The following PCDHA1 variants were observed in gnomAD, a reference collection of about 807,000 sequenced individuals.
The protein encoded by PCDHA1 is protocadherin alpha 1.
A neutral mutation model predicts 61.3 loss-of-function variants in PCDHA1; 42 were observed. The ratio of observed to expected loss-of-function variants is 0.69; its 90% CI spans 0.54 to 0.89. The LOEUF (loss-of-function observed/expected upper bound fraction) is 0.89. PCDHA1 is among the 40% of genes least tolerant of loss of function. The pLI, the probability that PCDHA1 is intolerant of heterozygous loss-of-function variation, is 0.00. For synonymous variants in PCDHA1, 610 were observed against 553.8 expected, an observed-to-expected ratio of 1.10 and a Z score of -1.43; for missense variants, 1,256 against 1,235.3, an observed-to-expected ratio of 1.02 and a Z score of -0.25.
rs117857377 is a variant in PCDHA1, at chr5:140,947,298, A to G, written c.2395-31651A>G. ...TTTTTCTTTTTATTGCATTATCTTG[A>G]CATCTTTGTAAAAAGTCGGTTGACC... On this transcript the variant is annotated intron_variant, in intron 1 of 3. Transcript: ENST00000504120. Among the ~76,000 whole-genome samples, 349 of 151,704 alleles carry G rather than the reference A, an allele frequency of 2.3e-3. 8 individuals carry two copies. In the East Asian group the frequency reaches 0.06, roughly 26 times the overall value.
At position 140,870,851 on chromosome 5, in the gene PCDHA1, C is replaced by G. The variant is rs1562652583; in HGVS notation, c.2394+82167C>G. ...GCAGTTAACAAGCTAGTACCGCGGT[C>G]GGTGGGTGCGGGCCACGTGGTGGCG... is the stretch of plus-strand genomic sequence containing the variant. On this transcript the variant is annotated intron_variant, in intron 1 of 3. Transcript: ENST00000504120. The G allele has an allele frequency of 1.9e-6, 3 of 1,613,838 alleles. No homozygotes were observed. Among genetic ancestry groups the G allele is most frequent in the Non-Finnish European group, 2.5e-6 (3 of 1,179,894 alleles).
intron 1 of PCDHA1, chr5:140,966,660 A>G: frequency 8.2e-7 from 1 of 1,217,300 alleles, no homozygotes; most frequent in Non-Finnish European, 1.1e-6. Context: ...GCGGTGGGGG[A>G]GCAGGCGCAG....
At chr5:140,863,467 G>C (rs2048034330) in intron 1 of PCDHA1, 2 of 502,402 alleles carry the variant, frequency 4.0e-6, no homozygotes, top group Non-Finnish European at 7.8e-6. Context: ...TTTTACTCTG[G>C]AGAGTCGCCT....
intron 1 of PCDHA1, chr5:140,871,054 A>G: frequency 6.2e-7 from 1 of 1,613,204 alleles, no homozygotes. Flanking sequence ...AGTACTGGTG[A>G]AGGATCACGG....
At chr5:140,807,705 G>A (rs1764012692) in intron 1 of PCDHA1, 1 of 1,614,218 alleles carries the variant, frequency 6.2e-7, no homozygotes, top group Non-Finnish European at 8.5e-7. Flanking sequence ...TACAGACTGA[G>A]CCCAAATGAA....
Position 140,848,663 on chromosome 5 carries a change from G to A in PCDHA1, c.2394+59979G>A, listed in dbSNP as rs2150416390. ...TCGCGCAGGACCTGGGGCTGGAGCT[G>A]GCGGAGCTGGTGCCGCGCCTGTTCC... On this transcript the variant is annotated intron_variant, in intron 1 of 3. Transcript: ENST00000504120. 3.8e-6 allele frequency: 6 copies of A among 1,592,360 alleles called. No homozygotes were observed. In the Admixed American group the frequency reaches 5.1e-5, roughly 13 times the overall value.
chr5:140,922,388 CT>C (rs1233800006), intron 1 of PCDHA1, among the ~76,000 whole-genome samples: 1 of 152,148 alleles, frequency 6.6e-6, no homozygotes, highest in Non-Finnish European at 1.5e-5. Flanking sequence ...CCAAAGACTC[CT>C]TGTTTTGGAT....
intron 1 of PCDHA1, among the ~76,000 whole-genome samples, chr5:140,954,291 T>C (rs1309677058): frequency 6.6e-6 from 1 of 152,230 alleles, no homozygotes; most frequent in African/African-American, 2.4e-5. Context: ...TTCCTTTGGG[T>C]ACATACCCAG....
At chr5:140,967,249 G>A (rs782040791) in intron 1 of PCDHA1, 1 of 1,613,592 alleles carries the variant, frequency 6.2e-7, no homozygotes, top group Non-Finnish European at 8.5e-7. Context: ...GCGAATCGGT[G>A]GCGCCTGGAG....
At chr5:140,831,149 C>G (rs561074158) in intron 1 of PCDHA1, 1 of 152,098 alleles carries the variant, frequency 6.6e-6, no homozygotes, top group Non-Finnish European at 1.5e-5. Flanking sequence ...TATTTACTAC[C>G]GATCTAAATA....
chr5:140,795,815 A>G (rs1761998709), intron 1 of PCDHA1: 1 of 1,613,258 alleles, frequency 6.2e-7, no homozygotes, highest in Non-Finnish European at 8.5e-7. Flanking sequence ...CTCGGTAGTG[A>G]TGTGTCCTCC....
In PCDHA1 at chr5:140,838,575, T is replaced by G. The variant is rs1333635354; in HGVS notation, c.2394+49891T>G. Among the ~76,000 whole-genome samples the G allele has an allele frequency of 2.6e-5, 4 of 152,148 alleles. No homozygotes were observed. In the East Asian group the frequency reaches 7.7e-4, roughly 29 times the overall value. The stretch of plus-strand genomic sequence containing the variant: ...TTCATCCAGTACTGTATTAGGGACA[T>G]TAATGAAACAATAACCGAATTGTCT... On this transcript the variant is annotated intron_variant, in intron 1 of 3. Coordinates refer to ENST00000504120, the MANE Select transcript of PCDHA1 (RefSeq NM_018900.4).
intron 1 of PCDHA1, among the ~76,000 whole-genome samples, chr5:140,941,214 C>CCTTTCTTTCTTCCTTTCTTTCTTTCTTT (rs2092876516): frequency 4.1e-5 from 5 of 122,412 alleles, no homozygotes; most frequent in Non-Finnish European, 8.5e-5. Flanking sequence ...TTTCTTTCTT[C>CCTTTCTTTCTTCCTTTCTTTCTTTCTTT]CTTTCTTTCT....
chr5:140,934,346 G>T (rs941608404), intron 1 of PCDHA1, among the ~76,000 whole-genome samples: 1 of 152,130 alleles, frequency 6.6e-6, no homozygotes, highest in South Asian at 2.1e-4. Flanking sequence ...CACCAGTACA[G>T]TGTGGAGCCA....
chr5:141,002,689 T>C (rs2098092113), intron 3 of PCDHA1, among the ~76,000 whole-genome samples: 1 of 152,186 alleles, frequency 6.6e-6, no homozygotes, highest in African/African-American at 2.4e-5. Context: ...GACGTGCAGA[T>C]TTGTTTAACT....
intron 3 of PCDHA1, among the ~76,000 whole-genome samples, chr5:140,991,619 A>G (rs1554252338): frequency 1.3e-5 from 2 of 152,206 alleles, no homozygotes; most frequent in African/African-American, 4.8e-5. Context: ...CTTTAATGCC[A>G]TATTTGTAAT....
chr5:140,866,911 G>C (rs1359822435), intron 1 of PCDHA1: 4 of 152,102 alleles, frequency 2.6e-5, no homozygotes, highest in African/African-American at 9.7e-5. Context: ...GATCCTCAAA[G>C]ATGAGTTCAA....
chr5:140,976,679 G>A (rs1314378983), intron 1 of PCDHA1, among the ~76,000 whole-genome samples: 2 of 152,086 alleles, frequency 1.3e-5, no homozygotes, highest in African/African-American at 4.8e-5. Flanking sequence ...TCTCATTTTT[G>A]CAATTTAAGT....
intron 1 of PCDHA1, chr5:140,823,606 C>A: frequency 6.2e-7 from 1 of 1,614,048 alleles, no homozygotes; most frequent in Non-Finnish European, 8.5e-7. Context: ...GTATGAGCTG[C>A]AGCCAGCGCC....
Sources: allele counts gnomAD v4.1 joint callset (sites outside exome capture counted in the v4.1 genomes callset), GRCh38; gene constraint gnomAD v4.1.1; transcripts MANE v1.5; gene names NCBI Gene and HGNC (gene_info 2026-07-23, HGNC 2026-07-21).